FBXO34: variants seen among roughly 807,000 people sequenced by gnomAD.
The protein encoded by FBXO34 is F-box only protein 34.
A neutral mutation model predicts 24.5 loss-of-function variants in FBXO34; 12 were observed. The observed-to-expected ratio is 0.49, with a 90% confidence interval of 0.31 to 0.79. FBXO34 has a LOEUF of 0.79. FBXO34 is among the 30% of genes least tolerant of loss of function. The pLI, the probability that FBXO34 is intolerant of heterozygous loss-of-function variation, is 0.04. For missense variants in FBXO34, 823 were observed against 857.7 expected, an observed-to-expected ratio of 0.96 and a Z score of 0.51; for synonymous variants, 320 against 311.9, an observed-to-expected ratio of 1.03 and a Z score of -0.27.
At chr14:55,340,401 CTT>C (rs10717969) in intron 1 of FBXO34, among the ~76,000 whole-genome samples, 137 of 141,306 alleles carry the variant, frequency 9.7e-4, no homozygotes, top group Non-Finnish European at 1.0e-3. Context: ...TCATGCTTGG[CTT>C]TTTTTTTTTT....
At chr14:55,312,949 T>G (rs1442148678) in intron 1 of FBXO34, among the ~76,000 whole-genome samples, 1 of 152,268 alleles carries the variant, frequency 6.6e-6, no homozygotes, top group Non-Finnish European at 1.5e-5. Flanking sequence ...TGCACATTTT[T>G]GTAGCTGGCT....
intron 1 of FBXO34, among the ~76,000 whole-genome samples, chr14:55,279,449 A>G (rs1232630695): frequency 1.3e-5 from 2 of 152,336 alleles, no homozygotes; most frequent in African/African-American, 4.8e-5. Flanking sequence ...TATTGCTAAT[A>G]TAATACTATT....
the FBXO34 span, among the ~76,000 whole-genome samples, chr14:55,416,300 T>A: frequency 2.0e-5 from 3 of 152,224 alleles, no homozygotes; most frequent in Non-Finnish European, 4.4e-5. Context: ...CTTAATTTTT[T>A]AAGAAATAAG....
At chr14:55,359,144 C>T (rs1202490559) in intron 3 of FBXO34, among the ~76,000 whole-genome samples, 1 of 152,130 alleles carries the variant, frequency 6.6e-6, no homozygotes, top group Non-Finnish European at 1.5e-5. Context: ...GAACCAGAAA[C>T]AGCCTTCTGT....
chr14:55,275,944 C>T (rs1401206727), intron 1 of FBXO34, among the ~76,000 whole-genome samples: 2 of 145,958 alleles, frequency 1.4e-5, no homozygotes, highest in Non-Finnish European at 3.0e-5. Flanking sequence ...AATAGCTTAT[C>T]ATAGCCCAAG....
chr14:55,386,055 G>A, the FBXO34 span: 1 of 1,612,628 alleles, frequency 6.2e-7, no homozygotes, highest in Non-Finnish European at 8.5e-7. Flanking sequence ...CGACTGTAAA[G>A]CTTCTGATTC....
At chr14:55,283,250 A>T (rs554103190) in intron 1 of FBXO34, among the ~76,000 whole-genome samples, 8 of 151,032 alleles carry the variant, frequency 5.3e-5, no homozygotes, top group African/African-American at 1.7e-4. Flanking sequence ...TTTACTTAAC[A>T]TAGGCTATGA....
intron 1 of FBXO34, among the ~76,000 whole-genome samples, chr14:55,338,196 C>G (rs11621089): frequency 0.26 from 39,677 of 151,316 alleles, 5,907 homozygotes; most frequent in Non-Finnish European, 0.32. Flanking sequence ...ACTACAGGCA[C>G]GTGCCACCAC....
At chr14:55,336,385 G>C (rs1377528325) in intron 1 of FBXO34, among the ~76,000 whole-genome samples, 1 of 152,204 alleles carries the variant, frequency 6.6e-6, no homozygotes, top group Non-Finnish European at 1.5e-5. Context: ...TCAGTTGGGA[G>C]GGACTTCAGA....
In FBXO34 at chr14:55,345,280, G is replaced by T. The variant is rs529987152; in HGVS notation, c.-10-5101G>T. ...TCCTCTCCCTCATCCTCCATTTTCA[G>T]TCAGTAGTTAGAAACCTTCTTGTTA... On this transcript the variant is annotated intron_variant, in intron 1 of 1. Transcript: ENST00000313833. 7.9e-5 allele frequency among the ~76,000 whole-genome samples: 12 copies of T among 152,240 alleles called. 1 individual carries two copies. Among genetic ancestry groups the T allele is most frequent in the Admixed American group, 2.0e-4 (3 of 15,306 alleles).
downstream of FBXO34, among the ~76,000 whole-genome samples, chr14:55,372,920 G>C (rs1453963806): frequency 2.0e-5 from 3 of 152,148 alleles, no homozygotes; most frequent in Non-Finnish European, 4.4e-5. Context: ...AATGAAAAGC[G>C]ACTGAATGGA....
chr14:55,400,300 G>A, the FBXO34 span, among the ~76,000 whole-genome samples: 1 of 152,098 alleles, frequency 6.6e-6, no homozygotes, highest in Non-Finnish European at 1.5e-5. Context: ...CAAATTTAAT[G>A]ATACATATTA....
At chr14:55,408,797 G>T in the FBXO34 span, among the ~76,000 whole-genome samples, 1 of 152,080 alleles carries the variant, frequency 6.6e-6, no homozygotes. Flanking sequence ...AATAAATCAC[G>T]TACCAAGTGG....
the FBXO34 span, among the ~76,000 whole-genome samples, chr14:55,421,718 T>C: frequency 3.3e-5 from 5 of 152,114 alleles, no homozygotes; most frequent in Non-Finnish European, 5.9e-5. Flanking sequence ...TTGCCTCAAT[T>C]TCCCAAAGTG....
chr14:55,338,822 C>T (rs186828186), intron 1 of FBXO34, among the ~76,000 whole-genome samples: 15 of 151,754 alleles, frequency 9.9e-5, no homozygotes, highest in Admixed American at 2.6e-4. Flanking sequence ...AGGAGAATGG[C>T]GTGAATCTGG....
the FBXO34 span, among the ~76,000 whole-genome samples, chr14:55,402,317 CACT>C: frequency 6.6e-6 from 1 of 152,042 alleles, no homozygotes; most frequent in Non-Finnish European, 1.5e-5. Flanking sequence ...GTCTCAGAAA[CACT>C]ACTAATGTAT....
chr14:55,407,926 G>A, the FBXO34 span, among the ~76,000 whole-genome samples: 264 of 152,190 alleles, frequency 1.7e-3, no homozygotes, highest in African/African-American at 3.8e-3. Context: ...CAGAAGAAAC[G>A]GCAAGGAAAA....
rs1307492953 is a variant in FBXO34, at chr14:55,351,234, A to G, written c.844A>G (p.Met282Val). 3 of 1,614,096 alleles carry G rather than the reference A, an allele frequency of 1.9e-6. No homozygotes were observed. Among genetic ancestry groups the G allele is most frequent in the South Asian group, 1.1e-5 (1 of 91,088 alleles). Reference protein sequence around the residue: ...PQSEPVRVLDMVAKLESECLK... With the variant: ...PQSEPVRVLDVVAKLESECLK... ...GAGCGAACCAGTCCGTGTCCTTGAC[A>G]TGGTAGCCAAGTTGGAGTCTGAGTG... is the stretch of plus-strand genomic sequence containing the variant. The change falls in exon 2 of 2, where the codon ATG becomes GTG. Residue 282 changes from methionine to valine, a missense_variant. Met to Val is a conservative substitution (Grantham distance 21). Around this residue, in one of 2 missense-constraint regions of FBXO34, gnomAD observed 693 missense variants for 659.1 expected, o/e 1.05. Coordinates refer to ENST00000313833, the MANE Select transcript of FBXO34 (RefSeq NM_017943.4).
At chr14:55,362,779 C>T (rs1884609869), downstream of FBXO34, among the ~76,000 whole-genome samples, 1 of 152,066 alleles carries the variant, frequency 6.6e-6, no homozygotes, top group African/African-American at 2.4e-5. Context: ...CCACTTGGCA[C>T]TTTCATTCCC....
Sources: gnomAD v4.1 joint callset for allele counts (sites outside exome capture counted in the v4.1 genomes callset) on GRCh38, gnomAD v4.1.1 for gene constraint, gnomAD v4.1.1 regional missense constraint, MANE v1.5 for transcripts, NCBI Gene and HGNC (gene_info 2026-07-23, HGNC 2026-07-21) for gene names.